Variants in SLC12A2 observed in about 807,000 individuals in gnomAD.
SLC12A2 encodes the protein solute carrier family 12 member 2.
Under a neutral mutation model 136.3 loss-of-function variants are expected in SLC12A2, and 67 were observed. The observed-to-expected ratio is 0.49, with a 90% CI of 0.40 to 0.60. The LOEUF (loss-of-function observed/expected upper bound fraction) is 0.60, where lower values mean the gene tolerates loss of function less well. SLC12A2 is among the 20% of genes least tolerant of loss of function. The pLI is 0.00. For missense variants in SLC12A2, 1,322 were observed against 1,534.7 expected (o/e 0.86, Z 2.32); for synonymous variants, 619 against 562.9 (o/e 1.10, Z -1.41).
chr5:128,117,727 A>C (rs1421742032), intron 4 of SLC12A2, among the ~76,000 whole-genome samples: 2 of 152,202 alleles, frequency 1.3e-5, no homozygotes, highest in African/African-American at 4.8e-5. Context: ...AATGGGACCT[A>C]ATTAAACTAA....
At chr5:128,155,699 T>C (rs1014752854) in intron 15 of SLC12A2, among the ~76,000 whole-genome samples, 2 of 152,196 alleles carry the variant, frequency 1.3e-5, no homozygotes, top group Admixed American at 1.3e-4. Context: ...TGAAATGAAG[T>C]ATCTCTAATA....
At position 128,161,708 on chromosome 5, in the gene SLC12A2, T is replaced by C; in HGVS notation, c.2524T>C (p.Tyr842His). 6.5e-7 allele frequency: 1 copy of C among 1,528,604 alleles called. No individual in the cohort carries two copies. The highest frequency in any genetic ancestry group is 8.8e-7 in the Non-Finnish European group (1 of 1,139,818). 94.7% of individuals were successfully genotyped at this position (1,528,604 alleles called of 1,614,324 possible). A position where few individuals can be genotyped will look rare whatever the true frequency, so the allele number is the denominator to read the frequency against. The change falls in exon 17 of 27, where the codon TAT becomes CAT. Residue 842 changes from tyrosine (Y) to histidine (H), a missense_variant. This residue lies in a region of SLC12A2 where 294 missense variants were observed against 436.6 expected (regional missense o/e 0.67). Coordinates refer to ENST00000262461, the MANE Select transcript of SLC12A2 (RefSeq NM_001046.3). ...AGAGATGTCCATCGATCAAGCCAAA[T>C]ATCAGCGATGGCTTATTAAGAACAA... The part of the protein sequence containing the change: ...MKEMSIDQAK[Y>H]QRWLIKNKMK...
At chr5:128,094,891 T>C (rs1760466412) in intron 1 of SLC12A2, among the ~76,000 whole-genome samples, 1 of 152,156 alleles carries the variant, frequency 6.6e-6, no homozygotes, top group Admixed American at 6.6e-5. Context: ...ACATTTTAAG[T>C]ACTTAATAAC....
At chr5:128,101,706 G>A (rs967910387) in intron 1 of SLC12A2, among the ~76,000 whole-genome samples, 7 of 152,170 alleles carry the variant, frequency 4.6e-5, no homozygotes, top group South Asian at 2.1e-4. Context: ...AACCCTAGGC[G>A]TTCCTTTTGT....
At position 128,128,802 on chromosome 5, in the gene SLC12A2, C is replaced by G. The variant is rs139128916; in HGVS notation, c.1049-2265C>G. 1.7e-3 allele frequency among the ~76,000 whole-genome samples: 229 copies of G among 136,150 alleles called. 1 individual carries two copies. In the East Asian group the frequency reaches 0.045, roughly 27 times the overall value. The allele number at this position is 136,150 out of a possible 152,430, so 89.3% of individuals were successfully genotyped here. ...AACACAGCCTTTCAGAGTGGTAGAT[C>G]TTTAAAAAAAAAAAAAAACCTCTAG... On this transcript the variant is annotated intron_variant, in intron 4 of 26. Coordinates refer to ENST00000262461, the MANE Select transcript of SLC12A2 (RefSeq NM_001046.3).
Position 128,149,982 on chromosome 5 carries a change from G to A in SLC12A2, c.2006-15G>A, listed in dbSNP as rs1232688031. The A allele has an allele frequency of 1.3e-6, 2 of 1,557,884 alleles. No homozygotes were observed. The highest frequency in any genetic ancestry group is 1.8e-6 in the Non-Finnish European group (2 of 1,131,948). Reference sequence around the variant, plus strand: ...TCTAATACGTCAGTAAATCTCGCATGTGTTTGTTCTGCAGCTGAACTGAAT... The same window carrying A: ...TCTAATACGTCAGTAAATCTCGCATATGTTTGTTCTGCAGCTGAACTGAAT... On this transcript the variant is annotated splice_polypyrimidine_tract_variant and intron_variant, in intron 12 of 26. Transcript: ENST00000262461.
intron 16 of SLC12A2, among the ~76,000 whole-genome samples, chr5:128,160,243 TG>T (rs899309953): frequency 2.0e-5 from 3 of 148,588 alleles, no homozygotes; most frequent in Admixed American, 2.0e-4. Context: ...TGTTGGGAGG[TG>T]GGGGGGCTCG....
At chr5:128,181,116 G>A (rs1047277563) in intron 23 of SLC12A2, 122 bp downstream of exon 23, 4 of 682,378 alleles carry the variant, frequency 5.9e-6, no homozygotes, top group Non-Finnish European at 1.0e-5. Flanking sequence ...GTTCTTTACT[G>A]AAGTTAAAAA....
At chr5:128,182,722 A>G (rs1447360098) in intron 23 of SLC12A2, 133 bp from the exon 24 acceptor site, 1 of 583,138 alleles carries the variant, frequency 1.7e-6, no homozygotes, top group Admixed American at 3.1e-5. Context: ...AATGGTGTGA[A>G]TTAATTCAAA....
intron 1 of SLC12A2, chr5:128,110,071 A>G: frequency 1.0e-6 from 1 of 969,014 alleles, no homozygotes; most frequent in Non-Finnish European, 1.7e-6. Flanking sequence ...ACCTTAAAAG[A>G]TAACAAAGTT....
intron 1 of SLC12A2, among the ~76,000 whole-genome samples, chr5:128,106,630 A>G (rs1413711337): frequency 1.3e-5 from 2 of 152,196 alleles, no homozygotes; most frequent in Non-Finnish European, 2.9e-5. Flanking sequence ...GATAGAGAAG[A>G]TACATTTTTT....
At chr5:128,178,197 A>T (rs539936276) in intron 21 of SLC12A2, among the ~76,000 whole-genome samples, 114 of 152,222 alleles carry the variant, frequency 7.5e-4, no homozygotes, top group Non-Finnish European at 1.4e-3. Context: ...TTCACAGAAC[A>T]GGTATAAACT....
chr5:128,095,614 C>T (rs113829628), intron 1 of SLC12A2, among the ~76,000 whole-genome samples: 97 of 152,070 alleles, frequency 6.4e-4, no homozygotes, highest in African/African-American at 2.2e-3. Flanking sequence ...ACATGTGGCC[C>T]AGGACAGCTT....
At chr5:128,115,222 T>G (rs1237866530) in intron 4 of SLC12A2, among the ~76,000 whole-genome samples, 1 of 152,154 alleles carries the variant, frequency 6.6e-6, no homozygotes, top group African/African-American at 2.4e-5. Flanking sequence ...CCTCCCAGGT[T>G]TAAGTGATTC....
At chr5:128,183,260 T>G (rs1049851643) in intron 24 of SLC12A2, among the ~76,000 whole-genome samples, 7 of 152,066 alleles carry the variant, frequency 4.6e-5, no homozygotes, top group Non-Finnish European at 7.4e-5. Flanking sequence ...ACTGTTTTGT[T>G]TTATTGCTAA....
At chr5:128,108,982 A>G (rs1461531027) in intron 1 of SLC12A2, among the ~76,000 whole-genome samples, 1 of 152,166 alleles carries the variant, frequency 6.6e-6, no homozygotes, top group African/African-American at 2.4e-5. Flanking sequence ...GTGTTTTAGG[A>G]TCTCTTTTGA....
At chr5:128,114,510 A>T in intron 3 of SLC12A2, 76 bp from the exon 4 acceptor site, 1 of 1,048,154 alleles carries the variant, frequency 9.5e-7, no homozygotes, top group Non-Finnish European at 1.5e-6. Context: ...CAGTATTCTT[A>T]GACCAACCAG....
chr5:128,120,649 A>G (rs971110823), intron 4 of SLC12A2, among the ~76,000 whole-genome samples: 33 of 151,770 alleles, frequency 2.2e-4, no homozygotes, highest in Non-Finnish European at 4.4e-4. Context: ...CATAGATGGG[A>G]ATTGAACAAT....
chr5:128,121,146 A>G (rs1388117946), intron 4 of SLC12A2, among the ~76,000 whole-genome samples: 2 of 152,214 alleles, frequency 1.3e-5, no homozygotes, highest in Non-Finnish European at 2.9e-5. Flanking sequence ...ATATCAATCT[A>G]GAAAAGTTGT....
Sources: gnomAD v4.1 joint callset for allele counts (sites outside exome capture counted in the v4.1 genomes callset) on GRCh38, gnomAD v4.1.1 for gene constraint, gnomAD v4.1.1 regional missense constraint, MANE v1.5 for transcripts, NCBI Gene and HGNC (gene_info 2026-07-23, HGNC 2026-07-21) for gene names.